Variants in IFIT2 observed in about 807,000 individuals in gnomAD.
IFIT2 encodes the protein interferon-induced protein with tetratricopeptide repeats 2.
Under a neutral mutation model 2.5 loss-of-function variants are expected in IFIT2, and 3 were observed. That is an observed-to-expected ratio of 1.21 (90% CI 0.55 to 3.14). IFIT2 has a LOEUF of 3.14. Ranked by LOEUF, IFIT2 falls within the 30% of genes most tolerant of loss-of-function variation. The pLI, the probability that IFIT2 is intolerant of heterozygous loss-of-function variation, is 0.03. For synonymous variants in IFIT2, 212 were observed against 200.7 expected (o/e 1.06, Z -0.48); for missense variants, 493 against 558.9 (o/e 0.88, Z 1.19).
rs1843500972 is a variant in IFIT2 at position 89,309,036 on chromosome 10, T to G, written c.*1661T>G. ...ACCAAATCCAAATAACCTCGACTGG[T>G]CTACTATCATAATCACCTGAACAGA... On this transcript the variant is annotated 3_prime_UTR_variant, in exon 2 of 2. Transcript: ENST00000371826. 6.6e-6 allele frequency: 1 copy of G among 152,168 alleles called. No homozygotes were observed. The highest frequency in any genetic ancestry group is 1.5e-5 in the Non-Finnish European group (1 of 68,026). The allele number at this position is 152,168 out of a possible 1,614,324, so 9.4% of individuals were successfully genotyped here.
rs1408859499 is a variant in IFIT2, at chr10:89,307,295, C to G, written c.1339C>G (p.Gln447Glu). ...AFLQELNEKMQQADEDSERGL... is the reference protein window; with the variant it reads ...AFLQELNEKMEQADEDSERGL... ...CCTTCAGGAGCTGAATGAAAAAATG[C>G]AACAAGCAGATGAAGACTCTGAGAG... The change falls in exon 2 of 2, where the codon CAA becomes GAA. Residue 447 changes from glutamine (Q) to glutamate (E), a missense_variant. Physicochemically the swap from Gln to Glu is conservative, Grantham distance 29. Coordinates refer to ENST00000371826, the MANE Select transcript of IFIT2 (RefSeq NM_001547.5). 1 of 1,613,900 alleles carries G rather than the reference C, an allele frequency of 6.2e-7. No individual in the cohort carries two copies. The highest frequency in any genetic ancestry group is 1.7e-5 in the Admixed American group (1 of 60,012).
intron 1 of IFIT2, among the ~76,000 whole-genome samples, chr10:89,304,022 A>G (rs967324413): frequency 6.6e-6 from 1 of 152,220 alleles, no homozygotes; most frequent in Non-Finnish European, 1.5e-5. Flanking sequence ...TCCTGGGGTC[A>G]CTACAGTCCT....
rs1406902781 is a variant in IFIT2 at position 89,306,766 on chromosome 10, T to TAAA, written c.813_815dup (p.Lys272dup). ...AGCCAGACAAAGCGATTGAACTGCT[T>TAAA]AAAAAGGCTTTAGAATACATACCAA... On this transcript the variant is annotated inframe_insertion, in exon 2 of 2. Coordinates refer to ENST00000371826, the MANE Select transcript of IFIT2 (RefSeq NM_001547.5). 6.2e-7 allele frequency: 1 copy of TAAA among 1,614,116 alleles called. No homozygotes were observed. Among genetic ancestry groups the TAAA allele is most frequent in the Non-Finnish European group, 8.5e-7 (1 of 1,179,974 alleles).
intron 1 of IFIT2, among the ~76,000 whole-genome samples, chr10:89,303,835 A>G (rs976432176): frequency 1.3e-5 from 2 of 152,236 alleles, no homozygotes; most frequent in Non-Finnish European, 2.9e-5. Context: ...CAAGGAAGCT[A>G]TAGTGAGTCT....
chr10:89,302,256 T>A, intron 1 of IFIT2, 128 bp downstream of exon 1: 1 of 948,052 alleles, frequency 1.1e-6, no homozygotes, highest in Non-Finnish European at 1.7e-6. Flanking sequence ...ACTATGCCTC[T>A]ACCTCTGTTG....
intron 1 of IFIT2, among the ~76,000 whole-genome samples, chr10:89,305,094 G>A (rs572474194): frequency 6.6e-6 from 1 of 152,012 alleles, no homozygotes; most frequent in South Asian, 2.1e-4. Flanking sequence ...TAGAGGTATG[G>A]GGGGGAGGGG....
chr10:89,303,534 T>A (rs2133519126), intron 1 of IFIT2, among the ~76,000 whole-genome samples: 1 of 152,332 alleles, frequency 6.6e-6, no homozygotes, highest in East Asian at 1.9e-4. Context: ...GAAGCAAGTG[T>A]CTGGCATCAG....
intron 1 of IFIT2, among the ~76,000 whole-genome samples, chr10:89,304,553 A>G (rs75034992): frequency 0.038 from 5,853 of 152,196 alleles, 370 homozygotes; most frequent in African/African-American, 0.13. Flanking sequence ...AAGCCATACT[A>G]TTTAGAAATA....
chr10:89,308,517 C>A lies in IFIT2; in HGVS notation c.*1142C>A, dbSNP rs960115122. ...TGGATATTAAGTGATATAAACACTT[C>A]TTTTAACTCCGAAAATCTTCTGAGA... On this transcript the variant is annotated 3_prime_UTR_variant, in exon 2 of 2. Coordinates refer to ENST00000371826, the MANE Select transcript of IFIT2 (RefSeq NM_001547.5). The A allele has an allele frequency of 1.3e-5, 2 of 152,152 alleles. No individual in the cohort carries two copies. The highest frequency in any genetic ancestry group is 1.3e-4 in the Admixed American group (2 of 15,274). 9.4% of individuals were successfully genotyped at this position (152,152 alleles called of 1,614,324 possible).
chr10:89,305,846 GT>G, intron 1 of IFIT2, 115 bp from the exon 2 acceptor site: 1 of 722,464 alleles, frequency 1.4e-6, no homozygotes, highest in Non-Finnish European at 2.4e-6. Flanking sequence ...AAGAAGGGGA[GT>G]TTCTTTGATT....
At position 89,306,441 on chromosome 10, in the gene IFIT2, A is replaced by G. The variant is rs759723651; in HGVS notation, c.485A>G (p.Glu162Gly). The change falls in exon 2 of 2, where the codon GAG becomes GGG. Residue 162 changes from glutamate to glycine, a missense_variant. Transcript: ENST00000371826. Reference sequence around the variant, plus strand: ...AATGAAAGAGCGAAGGTGTGCTTTGAGAAGGCTCTGGAAAAGAAGCCAAAG... The same window carrying G: ...AATGAAAGAGCGAAGGTGTGCTTTGGGAAGGCTCTGGAAAAGAAGCCAAAG... Reference protein sequence around the residue: ...NQNERAKVCFEKALEKKPKNP... With the variant: ...NQNERAKVCFGKALEKKPKNP... 2 of 1,614,154 alleles carry G rather than the reference A, an allele frequency of 1.2e-6. No individual in the cohort carries two copies. Among genetic ancestry groups the G allele is most frequent in the Non-Finnish European group, 1.7e-6 (2 of 1,180,004 alleles).
intron 1 of IFIT2, among the ~76,000 whole-genome samples, chr10:89,302,676 C>T (rs1387652840): frequency 1.3e-5 from 2 of 152,162 alleles, no homozygotes; most frequent in African/African-American, 2.4e-5. Flanking sequence ...TATTTTCACC[C>T]CAAAATGCCT....
intron 1 of IFIT2, among the ~76,000 whole-genome samples, chr10:89,303,850 G>C (rs966861257): frequency 2.6e-5 from 4 of 152,210 alleles, no homozygotes; most frequent in African/African-American, 9.6e-5. Context: ...GAGTCTTCAG[G>C]TGTTAGGATG....
chr10:89,307,414 G>T lies in IFIT2; in HGVS notation c.*39G>T. On this transcript the variant is annotated 3_prime_UTR_variant, in exon 2 of 2. Coordinates refer to ENST00000371826, the MANE Select transcript of IFIT2 (RefSeq NM_001547.5). ...GGTGCCCACTAGGCTACTGCTGAAA[G>T]GGAGCTGAAATTCCTCCACCAAGTT... The T allele has an allele frequency of 6.7e-7, 1 of 1,499,820 alleles. No homozygotes were observed. Among genetic ancestry groups the T allele is most frequent in the Non-Finnish European group, 9.0e-7 (1 of 1,105,570 alleles). The allele number at this position is 1,499,820 out of a possible 1,614,324, so 92.9% of individuals were successfully genotyped here.
chr10:89,306,530 C>T lies in IFIT2; in HGVS notation c.574C>T (p.Gln192Ter). The T allele has an allele frequency of 6.2e-7, 1 of 1,614,104 alleles. No individual in the cohort carries two copies. Among genetic ancestry groups the T allele is most frequent in the Non-Finnish European group, 8.5e-7 (1 of 1,179,988 alleles). ...CCGTCTGGACAACTGGCCACCATCT[C>T]AGAACGCCATTGACCCTCTGAGGCA... ...SYRLDNWPPSQNAIDPLRQAI... is the reference protein window; with the variant it reads ...SYRLDNWPPS Residue 192 changes from glutamine to a stop codon, truncating the protein, a stop_gained, in exon 2 of 2, where the codon CAG (glutamine) becomes TAG (stop). Transcript: ENST00000371826. LOFTEE classifies it low-confidence loss of function (END_TRUNC).
intron 1 of IFIT2, among the ~76,000 whole-genome samples, chr10:89,305,567 A>G (rs567649161): frequency 6.6e-6 from 1 of 152,328 alleles, no homozygotes; most frequent in South Asian, 2.1e-4. Context: ...GTACAAAAGT[A>G]AAGCTAGGGA....
Position 89,306,507 on chromosome 10 carries a change from G to T in IFIT2, c.551G>T (p.Arg184Leu), listed in dbSNP as rs749996976. 1.9e-6 allele frequency: 3 copies of T among 1,614,078 alleles called. No individual in the cohort carries two copies. The highest frequency in any genetic ancestry group is 1.1e-5 in the South Asian group (1 of 91,086). ...FTSGLAIASY[R>L]LDNWPPSQNA... ...TCTGGACTGGCAATAGCAAGCTACCGTCTGGACAACTGGCCACCATCTCAG... is the reference window on the plus strand; with the variant it reads ...TCTGGACTGGCAATAGCAAGCTACCTTCTGGACAACTGGCCACCATCTCAG... The change falls in exon 2 of 2, where the codon CGT becomes CTT. Residue 184 changes from arginine to leucine, a missense_variant. Coordinates refer to ENST00000371826, the MANE Select transcript of IFIT2 (RefSeq NM_001547.5).
Position 89,309,241 on chromosome 10 carries a change from C to CT in IFIT2, c.*1867dup, listed in dbSNP as rs1843502408. 1 of 152,182 alleles carries CT rather than the reference C, an allele frequency of 6.6e-6. No homozygotes were observed. Among genetic ancestry groups the CT allele is most frequent in the Admixed American group, 6.5e-5 (1 of 15,272 alleles). 9.4% of individuals were successfully genotyped at this position (152,182 alleles called of 1,614,324 possible). On this transcript the variant is annotated 3_prime_UTR_variant, in exon 2 of 2. Coordinates refer to ENST00000371826, the MANE Select transcript of IFIT2 (RefSeq NM_001547.5). ...CATCACATTTTCTCTATTCTGACCT[C>CT]TGTTATGAGAAATAAAAGTCACTGA...
chr10:89,305,823 A>C (rs952793576), intron 1 of IFIT2, 139 bp from the exon 2 acceptor site: 10 of 654,878 alleles, frequency 1.5e-5, no homozygotes, highest in Non-Finnish European at 2.6e-5. Flanking sequence ...GGAAAAACAT[A>C]TTATAGAAAG....
Sources: gnomAD v4.1 joint callset for allele counts (sites outside exome capture counted in the v4.1 genomes callset) on GRCh38, gnomAD v4.1.1 for gene constraint, MANE v1.5 for transcripts, NCBI Gene and HGNC (gene_info 2026-07-23, HGNC 2026-07-21) for gene names.